Variants in GNAZ observed in about 807,000 individuals in gnomAD.
GNAZ encodes G protein subunit alpha z.
In GNAZ, 3 loss-of-function variants were observed where a neutral mutation model predicts 25.4. The ratio of observed to expected loss-of-function variants is 0.12; its 90% CI spans 0.05 to 0.30. The LOEUF (loss-of-function observed/expected upper bound fraction) is 0.30, where lower values mean the gene tolerates loss of function less well. Ranked by LOEUF, GNAZ falls within the 10% of genes least tolerant of loss-of-function variation. GNAZ has a pLI of 1.00. For synonymous variants in GNAZ, 211 were observed against 205.7 expected, an observed-to-expected ratio of 1.03 and a Z score of -0.22; for missense variants, 241 against 501.8, an observed-to-expected ratio of 0.48 and a Z score of 4.97.
At chr22:23,086,502 C>T (rs1044505088) in intron 1 of GNAZ, among the ~76,000 whole-genome samples, 1 of 152,232 alleles carries the variant, frequency 6.6e-6, no homozygotes. Flanking sequence ...GGGCACCTTC[C>T]TCTCCTCCCA....
chr22:23,095,723 A>G lies in GNAZ; in HGVS notation c.28A>G (p.Lys10Glu). The G allele has an allele frequency of 6.2e-7, 1 of 1,610,530 alleles. No individual in the cohort carries two copies. The highest frequency in any genetic ancestry group is 8.5e-7 in the Non-Finnish European group (1 of 1,178,880). ...GGGATGTCGGCAAAGCTCAGAGGAAAAAGAAGCAGCCCGGCGGTCCCGGAG... is the reference window on the plus strand; with the variant it reads ...GGGATGTCGGCAAAGCTCAGAGGAAGAAGAAGCAGCCCGGCGGTCCCGGAG... Reference protein sequence around the residue: MGCRQSSEEKEAARRSRRID... With the variant: MGCRQSSEEEEAARRSRRID... Residue 10 changes from lysine (K) to glutamate (E), a missense_variant, in exon 2 of 3, where the codon AAA becomes GAA. Physicochemically the swap from Lys to Glu is moderately conservative, Grantham distance 56. Coordinates refer to ENST00000615612, the MANE Select transcript of GNAZ (RefSeq NM_002073.4).
At chr22:23,096,949 G>A (rs2069143413) in intron 2 of GNAZ, among the ~76,000 whole-genome samples, 1 of 152,244 alleles carries the variant, frequency 6.6e-6, no homozygotes, top group Non-Finnish European at 1.5e-5. Context: ...GAAGCGGTGG[G>A]GGCTTGAGAG....
chr22:23,101,924 G>A (rs911101944), intron 2 of GNAZ, among the ~76,000 whole-genome samples: 1 of 152,228 alleles, frequency 6.6e-6, no homozygotes, highest in Non-Finnish European at 1.5e-5. Context: ...CTGGCCACAT[G>A]ATATCCCCAG....
intron 2 of GNAZ, among the ~76,000 whole-genome samples, chr22:23,121,112 G>C (rs2146396938): frequency 6.6e-6 from 1 of 152,254 alleles, no homozygotes; most frequent in South Asian, 2.1e-4. Context: ...CTGCGGAGGC[G>C]CTGGCTCCTC....
intron 2 of GNAZ, among the ~76,000 whole-genome samples, chr22:23,100,865 G>T (rs6003505): frequency 0.017 from 2,658 of 152,316 alleles, 83 homozygotes; most frequent in African/African-American, 0.06. Flanking sequence ...GCAGTACCCT[G>T]AGGAGGGGCT....
chr22:23,108,935 T>C (rs1454375671), intron 2 of GNAZ, among the ~76,000 whole-genome samples: 1 of 152,138 alleles, frequency 6.6e-6, no homozygotes, highest in African/African-American at 2.4e-5. Flanking sequence ...CTACAGGAGC[T>C]TAGGAATTGT....
intron 2 of GNAZ, 64 bp from the exon 3 acceptor site, chr22:23,123,023 C>A: frequency 9.3e-7 from 1 of 1,069,632 alleles, no homozygotes; most frequent in Non-Finnish European, 1.4e-6. Context: ...GGCAGGGCTG[C>A]AGGTCTAGGG....
chr22:23,115,184 C>T (rs555240159), intron 2 of GNAZ, among the ~76,000 whole-genome samples: 1 of 152,258 alleles, frequency 6.6e-6, no homozygotes, highest in South Asian at 2.1e-4. Context: ...ACAGAGCCTT[C>T]CCCAGCCATG....
At position 23,075,703 on chromosome 22, in the gene GNAZ, C is replaced by T. The variant is rs190434791; in HGVS notation, c.-450+5133C>T. ...CCGGGGGTGTTCCTTCTAGCAGCCT[C>T]CAACCAGAAACACACCCCGTCCCCG... On this transcript the variant is annotated intron_variant, in intron 1 of 2. Transcript: ENST00000615612. Among the ~76,000 whole-genome samples, 173 of 152,324 alleles carry T rather than the reference C, an allele frequency of 1.1e-3. 1 individual carries two copies. Among genetic ancestry groups the T allele is most frequent in the African/African-American group, 3.9e-3 (162 of 41,568 alleles).
intron 1 of GNAZ, among the ~76,000 whole-genome samples, chr22:23,081,308 ACT>A (rs954078862): frequency 7.9e-5 from 12 of 152,166 alleles, no homozygotes; most frequent in East Asian, 1.9e-4. Flanking sequence ...AGAACCGGAA[ACT>A]CTGATTTAGG....
chr22:23,093,935 G>A (rs914793648), intron 1 of GNAZ, among the ~76,000 whole-genome samples: 5 of 152,212 alleles, frequency 3.3e-5, no homozygotes, highest in Non-Finnish European at 7.3e-5. Flanking sequence ...GGATCGCCAG[G>A]ACTAGTGGTC....
At chr22:23,101,704 C>T (rs903829750) in intron 2 of GNAZ, among the ~76,000 whole-genome samples, 4 of 152,236 alleles carry the variant, frequency 2.6e-5, no homozygotes, top group African/African-American at 9.6e-5. Context: ...GCAGCATCCT[C>T]AAGTTATCAT....
intron 1 of GNAZ, among the ~76,000 whole-genome samples, chr22:23,086,084 G>A (rs1409131441): frequency 1.3e-5 from 2 of 152,364 alleles, no homozygotes; most frequent in East Asian, 1.9e-4. Context: ...TGTCTACGGC[G>A]GGTGACCCTG....
At chr22:23,111,164 C>G (rs542566074) in intron 2 of GNAZ, among the ~76,000 whole-genome samples, 1 of 152,342 alleles carries the variant, frequency 6.6e-6, no homozygotes, top group African/African-American at 2.4e-5. Context: ...CGGGGAGTGG[C>G]CTCACTGTCT....
At chr22:23,081,630 T>G (rs1023986114) in intron 1 of GNAZ, among the ~76,000 whole-genome samples, 3 of 151,842 alleles carry the variant, frequency 2.0e-5, no homozygotes, top group Admixed American at 6.6e-5. Context: ...GAGACCAATG[T>G]GGCCAACATG....
chr22:23,095,606 C>A lies in GNAZ; in HGVS notation c.-90C>A, dbSNP rs1479799817. On this transcript the variant is annotated 5_prime_UTR_variant, in exon 2 of 3. Transcript: ENST00000615612. ...ACTGAGTGCCTCCAGGGCAGCTGGGCTCTTGTCTGCCTGGTCTCAGTGTCC... is the reference window on the plus strand; with the variant it reads ...ACTGAGTGCCTCCAGGGCAGCTGGGATCTTGTCTGCCTGGTCTCAGTGTCC... The A allele has an allele frequency of 1.4e-6, 2 of 1,432,296 alleles. No homozygotes were observed. The highest frequency in any genetic ancestry group is 1.9e-6 in the Non-Finnish European group (2 of 1,066,382). 88.7% of individuals were successfully genotyped at this position (1,432,296 alleles called of 1,614,324 possible). A position where few individuals can be genotyped will look rare whatever the true frequency, so the allele number is the denominator to read the frequency against.
At chr22:23,115,079 T>A (rs766537663) in intron 2 of GNAZ, among the ~76,000 whole-genome samples, 19 of 152,142 alleles carry the variant, frequency 1.2e-4, no homozygotes, top group Non-Finnish European at 2.4e-4. Flanking sequence ...CCAGCTGGCC[T>A]TGCTCTGTGC....
At chr22:23,121,815 G>A (rs1166105837) in intron 2 of GNAZ, among the ~76,000 whole-genome samples, 3 of 150,192 alleles carry the variant, frequency 2.0e-5, no homozygotes, top group Admixed American at 1.3e-4. Flanking sequence ...TCCACCTCCC[G>A]GGTTCAAGTG....
At chr22:23,080,438 G>C (rs536370827) in intron 1 of GNAZ, among the ~76,000 whole-genome samples, 62 of 152,332 alleles carry the variant, frequency 4.1e-4, no homozygotes, top group Admixed American at 3.9e-4. Context: ...GCATAGCCTG[G>C]GGTTGTCTGT....
Sources: allele counts gnomAD v4.1 joint callset (sites outside exome capture counted in the v4.1 genomes callset), GRCh38; gene constraint gnomAD v4.1.1; transcripts MANE v1.5; gene names NCBI Gene and HGNC (gene_info 2026-07-23, HGNC 2026-07-21).